The following PTCHD4 variants were observed in gnomAD, a reference collection of about 807,000 sequenced individuals.
PTCHD4 encodes patched domain containing 4.
PTCHD4 carries 33 observed loss-of-function variants against 58.1 expected under a neutral mutation model. The observed-to-expected ratio is 0.57, with a 90% CI of 0.43 to 0.76. The LOEUF is 0.76. Among genes scored for constraint, PTCHD4 ranks in the 30% least tolerant of loss-of-function variants. PTCHD4 has a pLI of 0.00. For missense variants in PTCHD4, 1,058 were observed against 1,027.1 expected (o/e 1.03, Z -0.41); for synonymous variants, 478 against 409.6 (o/e 1.17, Z -2.02).
chr6:48,003,891 A>G (rs1314035598), intron 4 of PTCHD4, among the ~76,000 whole-genome samples: 1 of 152,178 alleles, frequency 6.6e-6, no homozygotes. Flanking sequence ...TCTCTCTGCC[A>G]GAGCCACTCA....
At chr6:48,014,744 A>G (rs901233836) in intron 3 of PTCHD4, among the ~76,000 whole-genome samples, 1 of 152,148 alleles carries the variant, frequency 6.6e-6, no homozygotes, top group Non-Finnish European at 1.5e-5. Context: ...TATAATTGAT[A>G]AAGATCTTAC....
intron 4 of PTCHD4, among the ~76,000 whole-genome samples, chr6:47,963,267 C>A (rs1168473092): frequency 6.6e-6 from 1 of 151,870 alleles, no homozygotes. Flanking sequence ...AATCACTAAA[C>A]AAAACCACCA....
intron 4 of PTCHD4, among the ~76,000 whole-genome samples, chr6:47,974,557 A>C (rs1767625393): frequency 6.6e-6 from 1 of 152,124 alleles, no homozygotes. Flanking sequence ...TGTTTAAAGC[A>C]TTCTTGGTCT....
intron 3 of PTCHD4, among the ~76,000 whole-genome samples, chr6:48,061,877 A>G (rs1764638897): frequency 6.6e-6 from 1 of 152,108 alleles, no homozygotes; most frequent in Non-Finnish European, 1.5e-5. Context: ...TGGGGAGGAG[A>G]CTTGAGTGAT....
intron 4 of PTCHD4, among the ~76,000 whole-genome samples, chr6:47,890,352 C>G (rs537595768): frequency 3.3e-5 from 5 of 152,010 alleles, no homozygotes; most frequent in Non-Finnish European, 7.4e-5. Context: ...GTAATTAACA[C>G]GATTTGATAT....
At chr6:48,099,214 G>C (rs569098410) in intron 1 of PTCHD4, among the ~76,000 whole-genome samples, 1 of 152,098 alleles carries the variant, frequency 6.6e-6, no homozygotes, top group Non-Finnish European at 1.5e-5. Context: ...AATAGTGGTC[G>C]CCAGCCTGCA....
intron 1 of PTCHD4, among the ~76,000 whole-genome samples, chr6:48,080,447 G>T (rs1033444055): frequency 6.6e-6 from 1 of 152,140 alleles, no homozygotes; most frequent in African/African-American, 2.4e-5. Context: ...CTCATCTTTG[G>T]CAAAGTGCCC....
intron 4 of PTCHD4, chr6:47,901,297 C>T (rs891612948): frequency 7.5e-5 from 22 of 295,102 alleles, no homozygotes; most frequent in Non-Finnish European, 1.0e-4. Flanking sequence ...AAGTTATTAA[C>T]CTGTAGTTTT....
intron 3 of PTCHD4, among the ~76,000 whole-genome samples, chr6:48,044,996 C>T (rs1763982645): frequency 1.3e-5 from 2 of 151,702 alleles, no homozygotes; most frequent in African/African-American, 4.8e-5. Context: ...CAGAATATGC[C>T]CCATTTCTTA....
intron 1 of PTCHD4, among the ~76,000 whole-genome samples, chr6:48,092,129 C>A (rs1428529281): frequency 1.3e-5 from 2 of 152,128 alleles, no homozygotes; most frequent in Non-Finnish European, 2.9e-5. Context: ...CTACCCTGAA[C>A]AAAAATGATT....
intron 4 of PTCHD4, among the ~76,000 whole-genome samples, chr6:47,995,116 TAATA>T (rs1768433529): frequency 6.6e-6 from 1 of 152,176 alleles, no homozygotes; most frequent in Admixed American, 6.5e-5. Context: ...AAAATATTTA[TAATA>T]AATAAAGAAA....
At chr6:47,976,084 A>G (rs1053251226) in intron 4 of PTCHD4, among the ~76,000 whole-genome samples, 1 of 152,204 alleles carries the variant, frequency 6.6e-6, no homozygotes, top group African/African-American at 2.4e-5. Context: ...TGAAACTGCT[A>G]TGCCATTGAT....
intron 4 of PTCHD4, among the ~76,000 whole-genome samples, chr6:47,968,051 C>A (rs1581949181): frequency 6.6e-6 from 1 of 152,168 alleles, no homozygotes; most frequent in East Asian, 1.9e-4. Context: ...TTTGGCTTAC[C>A]TCTCGTTTTG....
chr6:47,997,547 A>G (rs1768544844), intron 4 of PTCHD4, among the ~76,000 whole-genome samples: 1 of 152,222 alleles, frequency 6.6e-6, no homozygotes, highest in East Asian at 1.9e-4. Flanking sequence ...GACTAAGTCA[A>G]CGAGGGGAAG....
chr6:47,902,477 G>A (rs146027180), intron 4 of PTCHD4, among the ~76,000 whole-genome samples: 1 of 152,150 alleles, frequency 6.6e-6, no homozygotes, highest in Non-Finnish European at 1.5e-5. Context: ...AAAGCTCAGG[G>A]AAATGCATAA....
chr6:47,968,025 C>T (rs907976883), intron 4 of PTCHD4, among the ~76,000 whole-genome samples: 10 of 152,100 alleles, frequency 6.6e-5, no homozygotes, highest in Non-Finnish European at 1.2e-4. Context: ...GGCTAGCTGG[C>T]GCAAGATGAC....
rs994567782 is a variant in PTCHD4 at position 47,872,020 on chromosome 6, G to A, written c.*6283C>T. Among the ~76,000 whole-genome samples the A allele has an allele frequency of 1.3e-5, 2 of 151,234 alleles. No homozygotes were observed. Among genetic ancestry groups the A allele is most frequent in the South Asian group, 2.1e-4 (1 of 4,820 alleles). On this transcript the variant is annotated 3_prime_UTR_variant, in exon 5 of 5. Coordinates refer to ENST00000339488, the MANE Select transcript of PTCHD4 (RefSeq NM_001384253.1). ...GTACCAGGAGATGCAAGAATATGAC[G>A]GCTTATTCTTTTTTTTTTTTCCCCA...
intron 3 of PTCHD4, among the ~76,000 whole-genome samples, chr6:48,062,931 C>T (rs995065226): frequency 5.3e-5 from 8 of 152,140 alleles, no homozygotes; most frequent in African/African-American, 1.7e-4. Flanking sequence ...GAAGCTGACG[C>T]CTACATTGGT....
Position 47,858,064 on chromosome 6 carries a change from A to G in PTCHD4, c.*20239T>C, listed in dbSNP as rs1242941078. Among the ~76,000 whole-genome samples, 1 of 152,036 alleles carries G rather than the reference A, an allele frequency of 6.6e-6. No individual in the cohort carries two copies. The highest frequency in any genetic ancestry group is 1.5e-5 in the Non-Finnish European group (1 of 67,974). Reference sequence around the variant, plus strand: ...AGCTAAAGAGTGGTAAAATTCCACCATCTATGGACATTTGAATTTGAGTGT... The same window carrying G: ...AGCTAAAGAGTGGTAAAATTCCACCGTCTATGGACATTTGAATTTGAGTGT... On this transcript the variant is annotated 3_prime_UTR_variant, in exon 5 of 5. Coordinates refer to ENST00000339488, the MANE Select transcript of PTCHD4 (RefSeq NM_001384253.1).
Sources: allele counts gnomAD v4.1 joint callset (sites outside exome capture counted in the v4.1 genomes callset), GRCh38; gene constraint gnomAD v4.1.1; transcripts MANE v1.5; gene names NCBI Gene and HGNC (gene_info 2026-07-23, HGNC 2026-07-21).